The following RANBP2 variants were observed in gnomAD, a reference collection of about 807,000 sequenced individuals.
RANBP2 encodes RAN binding protein 2, also known as E3 SUMO-protein ligase RanBP2.
In RANBP2, 57 loss-of-function variants were observed where a neutral mutation model predicts 303.6. That is an observed-to-expected ratio of 0.19 (90% confidence interval 0.15 to 0.23). RANBP2 has a LOEUF of 0.23. Among genes scored for constraint, RANBP2 ranks in the 10% least tolerant of loss-of-function variants. The pLI, the probability that RANBP2 is intolerant of heterozygous loss-of-function variation, is 1.00. For missense variants in RANBP2, 3,138 were observed against 3,780.8 expected (o/e 0.83, Z 4.46); for synonymous variants, 1,167 against 1,301.5 (o/e 0.90, Z 2.23).
chr2:109,424,375 C>T, the RANBP2 span, among the ~76,000 whole-genome samples: 1 of 152,348 alleles, frequency 6.6e-6, no homozygotes, highest in South Asian at 2.1e-4. Context: ...CTGGGCATCC[C>T]TGGACCCTGT....
the RANBP2 span, among the ~76,000 whole-genome samples, chr2:109,055,792 A>C: frequency 1.6e-5 from 2 of 127,416 alleles, no homozygotes; most frequent in African/African-American, 6.1e-5. Context: ...GATGAGTCTC[A>C]CTCTGTCACC....
chr2:109,526,147 C>G, the RANBP2 span, among the ~76,000 whole-genome samples: 1 of 152,126 alleles, frequency 6.6e-6, no homozygotes, highest in East Asian at 1.9e-4. Flanking sequence ...TTCACAGATG[C>G]TATTTCCCTC....
the RANBP2 span, among the ~76,000 whole-genome samples, chr2:109,743,173 AG>A: frequency 1.4e-5 from 2 of 147,868 alleles, 1 homozygote; most frequent in Non-Finnish European, 3.0e-5. Context: ...TGGGAAGCTG[AG>A]GTGGGAGGAT....
At chr2:109,243,713 G>A in the RANBP2 span, among the ~76,000 whole-genome samples, 1 of 152,190 alleles carries the variant, frequency 6.6e-6, no homozygotes, top group Non-Finnish European at 1.5e-5. Context: ...GGGAGACTAA[G>A]GAGAGATTGA....
At chr2:108,980,290 G>A in the RANBP2 span, among the ~76,000 whole-genome samples, 1 of 152,074 alleles carries the variant, frequency 6.6e-6, no homozygotes, top group Non-Finnish European at 1.5e-5. Context: ...GCCCAGGTGA[G>A]TCACATCCCG....
the RANBP2 span, chr2:109,614,359 G>A: frequency 2.6e-6 from 2 of 774,006 alleles, no homozygotes; most frequent in Non-Finnish European, 3.4e-6. Context: ...GAGTCCTCTG[G>A]CCTCAGACGC....
chr2:108,733,690 C>T (rs556683742), intron 4 of RANBP2, among the ~76,000 whole-genome samples: 1 of 152,084 alleles, frequency 6.6e-6, no homozygotes, highest in Non-Finnish European at 1.5e-5. Context: ...CCATATTGGG[C>T]GTGGCAATCC....
the RANBP2 span, among the ~76,000 whole-genome samples, chr2:109,590,082 GTATATATATACACACATATA>G: frequency 2.1e-4 from 30 of 145,246 alleles, no homozygotes; most frequent in African/African-American, 7.3e-4. Flanking sequence ...ACATATATAT[GTATATATATACACACATATA>G]TATGTATGTA....
the RANBP2 span, among the ~76,000 whole-genome samples, chr2:108,939,961 C>A: frequency 6.6e-6 from 1 of 152,212 alleles, no homozygotes; most frequent in African/African-American, 2.4e-5. Context: ...GTCTCAGTGA[C>A]GCTGATTCTG....
the RANBP2 span, among the ~76,000 whole-genome samples, chr2:109,196,747 C>G: frequency 6.6e-6 from 1 of 152,150 alleles, no homozygotes; most frequent in African/African-American, 2.4e-5. Context: ...CCACATGCCC[C>G]GTGGCCTTCT....
At chr2:109,743,824 G>A in the RANBP2 span, among the ~76,000 whole-genome samples, 42,270 of 91,066 alleles carry the variant, frequency 0.46, 19,135 homozygotes, top group Non-Finnish European at 0.75. Flanking sequence ...CCATCTTTAC[G>A]TCCATGAGTA....
the RANBP2 span, among the ~76,000 whole-genome samples, chr2:109,026,125 A>T: frequency 1.3e-5 from 2 of 152,062 alleles, no homozygotes; most frequent in African/African-American, 4.8e-5. Flanking sequence ...AAGACAGCAC[A>T]TTTTATATTT....
the RANBP2 span, among the ~76,000 whole-genome samples, chr2:109,723,708 T>A: frequency 6.6e-6 from 1 of 152,216 alleles, no homozygotes. Flanking sequence ...TCTCCCATTC[T>A]GTATAGGTTG....
the RANBP2 span, among the ~76,000 whole-genome samples, chr2:109,403,896 A>G: frequency 6.6e-6 from 1 of 152,196 alleles, no homozygotes; most frequent in African/African-American, 2.4e-5. Flanking sequence ...CACCATGGCC[A>G]CTGTGAGGGT....
chr2:108,932,214 C>T, the RANBP2 span, among the ~76,000 whole-genome samples: 1 of 152,032 alleles, frequency 6.6e-6, no homozygotes, highest in Non-Finnish European at 1.5e-5. Context: ...TAGAAATTAG[C>T]GAAAGATTAT....
chr2:108,971,873 A>G, the RANBP2 span, among the ~76,000 whole-genome samples: 1,102 of 152,292 alleles, frequency 7.2e-3, 8 homozygotes, highest in South Asian at 0.028. Context: ...AGACGGTGCA[A>G]TTACAGAGAC....
At chr2:108,918,378 T>G in the RANBP2 span, among the ~76,000 whole-genome samples, 1 of 152,248 alleles carries the variant, frequency 6.6e-6, no homozygotes, top group Non-Finnish European at 1.5e-5. Context: ...TTTCGGTTCA[T>G]CTGCCTCTTG....
intron 4 of RANBP2, among the ~76,000 whole-genome samples, chr2:108,732,902 C>T (rs1184366248): frequency 6.6e-6 from 1 of 152,216 alleles, no homozygotes; most frequent in African/African-American, 2.4e-5. Flanking sequence ...TGGCTCACTG[C>T]CACCTCCGCC....
chr2:109,052,324 A>C, the RANBP2 span, among the ~76,000 whole-genome samples: 2 of 152,226 alleles, frequency 1.3e-5, no homozygotes, highest in Admixed American at 1.3e-4. Flanking sequence ...AAATAAACGC[A>C]GATGGTACAA....
Sources: gnomAD v4.1 joint callset for allele counts (sites outside exome capture counted in the v4.1 genomes callset) on GRCh38, gnomAD v4.1.1 for gene constraint, MANE v1.5 for transcripts, NCBI Gene and HGNC (gene_info 2026-07-23, HGNC 2026-07-21) for gene names.